Variants in DMD observed in about 807,000 individuals in gnomAD.
DMD encodes the protein mutant dystrophin.
DMD carries 63 observed loss-of-function variants against 330.1 expected under a neutral mutation model. The ratio of observed to expected loss-of-function variants is 0.19; its 90% CI spans 0.16 to 0.24. The LOEUF is 0.24. Ranked by LOEUF, DMD falls within the 10% of genes least tolerant of loss-of-function variation. The pLI is 1.00. For synonymous variants in DMD, 1,223 were observed against 959.8 expected (o/e 1.27, Z -5.07); for missense variants, 3,344 against 2,684.1 (o/e 1.25, Z -5.43).
At chrX:32,762,160 A>C (rs2072396598) in intron 7 of DMD, among the ~76,000 whole-genome samples, 1 of 104,782 alleles carries the variant, frequency 9.5e-6, no homozygotes, top group South Asian at 4.4e-4. Flanking sequence ...CAAAAAAAGA[A>C]AAAAAAAGAA....
At chrX:32,186,790 C>T (rs1010631444) in intron 44 of DMD, among the ~76,000 whole-genome samples, 7 of 110,722 alleles carry the variant, frequency 6.3e-5, no homozygotes, top group African/African-American at 1.6e-4. Context: ...ATAAATATAG[C>T]GATTGAAAAT....
chrX:31,159,096 C>A (rs1469177696), intron 74 of DMD, among the ~76,000 whole-genome samples: 1 of 111,936 alleles, frequency 8.9e-6, no homozygotes, highest in Non-Finnish European at 1.9e-5. Context: ...AGGATATTTA[C>A]CCATTCATTT....
chrX:32,276,337 T>C (rs1266459310), intron 43 of DMD, among the ~76,000 whole-genome samples: 1 of 112,370 alleles, frequency 8.9e-6, no homozygotes, highest in Admixed American at 9.4e-5. Context: ...CTTCTAGTCA[T>C]AGCCTGGGCT....
intron 44 of DMD, among the ~76,000 whole-genome samples, chrX:31,996,419 T>C (rs765892160): frequency 5.4e-5 from 6 of 111,585 alleles, no homozygotes; most frequent in Non-Finnish European, 1.1e-4. Flanking sequence ...GGGACAGTAA[T>C]GAATCCAAAC....
intron 41 of DMD, among the ~76,000 whole-genome samples, chrX:32,330,776 G>T (rs1368589639): frequency 3.6e-5 from 4 of 111,101 alleles, no homozygotes; most frequent in Non-Finnish European, 7.6e-5. Flanking sequence ...TTTATTCAAT[G>T]AAAGAAATAC....
chrX:33,010,028 A>G (rs771539343), intron 2 of DMD, among the ~76,000 whole-genome samples: 2 of 42,480 alleles, frequency 4.7e-5, no homozygotes, highest in Non-Finnish European at 6.4e-5. Flanking sequence ...ATATGTGTGT[A>G]CATGTGTATA....
At chrX:32,723,465 T>C (rs1258681274) in intron 7 of DMD, among the ~76,000 whole-genome samples, 1 of 111,720 alleles carries the variant, frequency 9.0e-6, no homozygotes, top group East Asian at 2.8e-4. Flanking sequence ...TCCTCTTCTA[T>C]TATTTAGAAG....
intron 51 of DMD, among the ~76,000 whole-genome samples, chrX:31,735,764 C>T (rs771211947): frequency 8.1e-5 from 9 of 111,655 alleles, no homozygotes; most frequent in Non-Finnish European, 3.8e-5. Flanking sequence ...AGATAACAAC[C>T]ACTAGGTTTG....
chrX:31,445,602 A>G, intron 59 of DMD, among the ~76,000 whole-genome samples: 1 of 111,681 alleles, frequency 9.0e-6, no homozygotes, highest in South Asian at 3.8e-4. Context: ...TAACAGTTTC[A>G]TTTAGGGAGT....
chrX:32,799,932 G>A (rs748876661), intron 7 of DMD, among the ~76,000 whole-genome samples: 2 of 110,870 alleles, frequency 1.8e-5, no homozygotes, highest in East Asian at 5.7e-4. Flanking sequence ...TAAACCTCAG[G>A]CCTCAAAACA....
intron 7 of DMD, among the ~76,000 whole-genome samples, chrX:32,729,532 T>C (rs1224717241): frequency 8.9e-6 from 1 of 111,771 alleles, no homozygotes; most frequent in Non-Finnish European, 1.9e-5. Context: ...AAGAGGAGTA[T>C]TATATGCTTC....
chrX:33,280,127 T>G (rs1362962912), intron 1 of DMD, among the ~76,000 whole-genome samples: 1 of 110,039 alleles, frequency 9.1e-6, no homozygotes, highest in Non-Finnish European at 1.9e-5. Context: ...GTACTACAGG[T>G]GTGCGCCACT....
intron 6 of DMD, among the ~76,000 whole-genome samples, chrX:32,811,346 G>C (rs754103227): frequency 7.2e-5 from 8 of 110,495 alleles, no homozygotes; most frequent in Non-Finnish European, 1.3e-4. Flanking sequence ...CTCCTAAATA[G>C]ATAAATGAAA....
At chrX:32,328,425 T>C (rs910078885) in intron 41 of DMD, among the ~76,000 whole-genome samples, 3 of 111,927 alleles carry the variant, frequency 2.7e-5, no homozygotes, top group African/African-American at 9.7e-5. Context: ...CTTTTTTGTG[T>C]ATTTTGTCTT....
At position 32,761,337 on chromosome X, in the gene DMD, A is replaced by C. The variant is rs770581601; in HGVS notation, c.649+48156T>G. ...CACAGGAGACTGAAGAGAGACACTC[A>C]GAAGTCTTAGAATTGTGTGCTTCTA... On this transcript the variant is annotated intron_variant, in intron 7 of 78. Transcript: ENST00000357033. 4.0e-3 allele frequency among the ~76,000 whole-genome samples: 396 copies of C among 98,826 alleles called. 2 individuals carry two copies. The highest frequency in any genetic ancestry group is 0.015 in the African/African-American group (380 of 25,397). 85.8% of individuals were successfully genotyped at this position (98,826 alleles called of 115,157 possible).
chrX:32,215,044 A>G (rs763010826), intron 44 of DMD, among the ~76,000 whole-genome samples: 2 of 111,925 alleles, frequency 1.8e-5, no homozygotes, highest in Non-Finnish European at 3.8e-5. Flanking sequence ...GACACATGGA[A>G]GAAATAAAAA....
intron 60 of DMD, among the ~76,000 whole-genome samples, chrX:31,382,470 C>A (rs1321319359): frequency 2.7e-5 from 3 of 111,723 alleles, no homozygotes; most frequent in Non-Finnish European, 3.8e-5. Flanking sequence ...GCCATCACAG[C>A]TGATATCTCT....
At chrX:31,953,034 C>T (rs758426344) in intron 45 of DMD, among the ~76,000 whole-genome samples, 30 of 112,108 alleles carry the variant, frequency 2.7e-4, no homozygotes, top group African/African-American at 9.1e-4. Flanking sequence ...ATCTTAAATA[C>T]CTCAAGCCAG....
chrX:33,269,910 T>C, intron 1 of DMD, among the ~76,000 whole-genome samples: 1 of 109,998 alleles, frequency 9.1e-6, no homozygotes, highest in Non-Finnish European at 1.9e-5. Flanking sequence ...CAGAGTCTAA[T>C]ATATACGTAA....
Sources: allele counts gnomAD v4.1 joint callset (sites outside exome capture counted in the v4.1 genomes callset), GRCh38; gene constraint gnomAD v4.1.1; transcripts MANE v1.5; gene names NCBI Gene and HGNC (gene_info 2026-07-23, HGNC 2026-07-21).